The following GPC6 variants were observed in gnomAD, a reference collection of about 807,000 sequenced individuals.
GPC6 encodes glypican-6.
Under a neutral mutation model 55.2 loss-of-function variants are expected in GPC6, and 14 were observed. The ratio of observed to expected loss-of-function variants is 0.25; its 90% CI spans 0.17 to 0.40. The LOEUF is 0.40. GPC6 is among the 10% of genes least tolerant of loss of function. The pLI is 1.00. For missense variants in GPC6, 641 were observed against 708.5 expected (o/e 0.90, Z 1.08); for synonymous variants, 278 against 259.6 (o/e 1.07, Z -0.68).
rs113708036 is a variant in GPC6, at chr13:94,165,193, A to ATGTGTG, written c.878-121146_878-121141dup. Among the ~76,000 whole-genome samples, 3 of 148,618 alleles carry ATGTGTG rather than the reference A, an allele frequency of 2.0e-5. No homozygotes were observed. In the Admixed American group the frequency reaches 2.0e-4, roughly 10 times the overall value. On this transcript the variant is annotated intron_variant, in intron 4 of 8. Coordinates refer to ENST00000377047, the MANE Select transcript of GPC6 (RefSeq NM_005708.5). Reference sequence around the variant, plus strand: ...TGGATAAAGAAATTGTGATATATGTATGTGTGTGTGTGTGTATATATATAT... The same window carrying ATGTGTG: ...TGGATAAAGAAATTGTGATATATGTATGTGTGTGTGTGTGTGTGTGTATATATATAT...
In GPC6 at chr13:93,517,135, T is replaced by C. The variant is rs1881234803; in HGVS notation, c.161-28128T>C. On this transcript the variant is annotated intron_variant, in intron 1 of 8. Coordinates refer to ENST00000377047, the MANE Select transcript of GPC6 (RefSeq NM_005708.5). ...TGTCACCAAACGTTAAAGAGAAATA[T>C]GAGGTTTAATAAGGCAACAAGAATC... Among the ~76,000 whole-genome samples the C allele has an allele frequency of 2.0e-5, 3 of 152,228 alleles. No homozygotes were observed. The South Asian group carries it at 6.2e-4, about 32-fold the overall frequency.
At chr13:94,113,799 T>A (rs1253644326) in intron 4 of GPC6, among the ~76,000 whole-genome samples, 1 of 151,660 alleles carries the variant, frequency 6.6e-6, no homozygotes, top group African/African-American at 2.4e-5. Context: ...GGTGAGAGGA[T>A]CACTTGAAGA....
intron 2 of GPC6, chr13:93,818,867 C>A (rs1050120911): frequency 4.6e-5 from 7 of 152,168 alleles, no homozygotes; most frequent in African/African-American, 7.2e-5. Context: ...GCTCCATCCC[C>A]ATTTCTCCTT....
intron 3 of GPC6, among the ~76,000 whole-genome samples, chr13:93,971,707 C>T (rs1196016723): frequency 1.3e-5 from 2 of 152,086 alleles, no homozygotes; most frequent in Admixed American, 1.3e-4. Context: ...CACATGTAGC[C>T]AGTGTGGCTT....
chr13:94,290,097 G>T (rs1264343059), intron 5 of GPC6, among the ~76,000 whole-genome samples: 1 of 152,114 alleles, frequency 6.6e-6, no homozygotes, highest in Admixed American at 6.5e-5. Context: ...TTTTATTTAA[G>T]AGATATTTAA....
At chr13:93,577,531 T>C (rs938565348) in intron 2 of GPC6, among the ~76,000 whole-genome samples, 1 of 152,076 alleles carries the variant, frequency 6.6e-6, no homozygotes, top group African/African-American at 2.4e-5. Flanking sequence ...TATGTAAATG[T>C]TATTGATTTT....
chr13:94,296,199 C>T (rs970236685), intron 5 of GPC6, among the ~76,000 whole-genome samples: 3 of 152,166 alleles, frequency 2.0e-5, no homozygotes, highest in Non-Finnish European at 4.4e-5. Flanking sequence ...TTTTAACTTT[C>T]CTTGCATGTA....
At chr13:93,688,138 A>G (rs913684062) in intron 2 of GPC6, among the ~76,000 whole-genome samples, 54 of 152,182 alleles carry the variant, frequency 3.5e-4, no homozygotes, top group African/African-American at 1.2e-3. Flanking sequence ...CAATTTATCA[A>G]CCAATTGGGA....
At position 93,718,782 on chromosome 13, in the gene GPC6, A is replaced by T. The variant is rs571066647; in HGVS notation, c.320-111372A>T. ...TATTCCATCTTGAGTTATTTTTTGTATAAGGTGTAAGGAAGGGGTCCAGTT... is the reference window on the plus strand; with the variant it reads ...TATTCCATCTTGAGTTATTTTTTGTTTAAGGTGTAAGGAAGGGGTCCAGTT... On this transcript the variant is annotated intron_variant, in intron 2 of 8. Coordinates refer to ENST00000377047, the MANE Select transcript of GPC6 (RefSeq NM_005708.5). Among the ~76,000 whole-genome samples, 105 of 152,174 alleles carry T rather than the reference A, an allele frequency of 6.9e-4. 1 individual carries two copies. Among genetic ancestry groups the T allele is most frequent in the African/African-American group, 2.3e-3 (96 of 41,540 alleles).
At chr13:94,205,079 A>C (rs918458377) in intron 4 of GPC6, among the ~76,000 whole-genome samples, 1 of 152,214 alleles carries the variant, frequency 6.6e-6, no homozygotes. Flanking sequence ...ATGTAATGTG[A>C]TATAAAAACA....
intron 4 of GPC6, among the ~76,000 whole-genome samples, chr13:94,276,514 C>T (rs1892211962): frequency 1.3e-5 from 2 of 152,026 alleles, no homozygotes; most frequent in African/African-American, 4.8e-5. Context: ...ATGTACAGAA[C>T]GTGCAGGTGT....
intron 6 of GPC6, among the ~76,000 whole-genome samples, chr13:94,365,477 C>T (rs1879249361): frequency 6.6e-6 from 1 of 152,150 alleles, no homozygotes; most frequent in African/African-American, 2.4e-5. Flanking sequence ...GTAAAAGTAG[C>T]ATTTATTATG....
At chr13:93,330,556 A>G (rs1157372771) in intron 1 of GPC6, among the ~76,000 whole-genome samples, 3 of 152,190 alleles carry the variant, frequency 2.0e-5, no homozygotes, top group Non-Finnish European at 2.9e-5. Context: ...CAGATTTACA[A>G]ATGCTCCCTA....
intron 1 of GPC6, among the ~76,000 whole-genome samples, chr13:93,365,465 G>A (rs1312695827): frequency 6.6e-6 from 1 of 151,996 alleles, no homozygotes; most frequent in East Asian, 1.9e-4. Flanking sequence ...CCTTGTAGGG[G>A]TTTTAAAAAT....
At chr13:93,955,730 C>T (rs1879480299) in intron 3 of GPC6, among the ~76,000 whole-genome samples, 1 of 151,942 alleles carries the variant, frequency 6.6e-6, no homozygotes, top group Non-Finnish European at 1.5e-5. Flanking sequence ...TCAGAGTCCT[C>T]ACAATATTAT....
rs545629523 is a variant in GPC6, at chr13:93,350,285, A to T, written c.160+122669A>T. Among the ~76,000 whole-genome samples, 37 of 152,238 alleles carry T rather than the reference A, an allele frequency of 2.4e-4. No homozygotes were observed. The South Asian group carries it at 7.0e-3, about 29-fold the overall frequency. On this transcript the variant is annotated intron_variant, in intron 1 of 8. Transcript: ENST00000377047. Reference sequence around the variant, plus strand: ...CCCCATCTCTACTAAAAATACAAAAATTAGCCAGGTGTGGTGGCGGGTGCT... The same window carrying T: ...CCCCATCTCTACTAAAAATACAAAATTTAGCCAGGTGTGGTGGCGGGTGCT...
At chr13:94,360,443 A>G (rs1879007471) in intron 6 of GPC6, among the ~76,000 whole-genome samples, 1 of 152,206 alleles carries the variant, frequency 6.6e-6, no homozygotes, top group Admixed American at 6.5e-5. Flanking sequence ...TGGACCTCCT[A>G]AAGGAAGATG....
chr13:93,948,032 G>C (rs1440678174), intron 3 of GPC6, among the ~76,000 whole-genome samples: 1 of 151,958 alleles, frequency 6.6e-6, no homozygotes, highest in East Asian at 1.9e-4. Context: ...TAACTTGCAG[G>C]ATACTCTTCC....
At position 93,980,672 on chromosome 13, in the gene GPC6, TG is replaced by T. The variant is rs138673520; in HGVS notation, c.712-47052del. ...TTTTCCTTCTCCTGTCTCCAGGAGGTGGGGGCATTCAGCTGCCAAGAATGGA... is the reference window on the plus strand; with the variant it reads ...TTTTCCTTCTCCTGTCTCCAGGAGGTGGGGCATTCAGCTGCCAAGAATGGA... On this transcript the variant is annotated intron_variant, in intron 3 of 8. Transcript: ENST00000377047. Among the ~76,000 whole-genome samples, 4 of 152,156 alleles carry T rather than the reference TG, an allele frequency of 2.6e-5. No homozygotes were observed. In the East Asian group the frequency reaches 7.8e-4, roughly 30 times the overall value.
Sources: allele counts gnomAD v4.1 joint callset (sites outside exome capture counted in the v4.1 genomes callset), GRCh38; gene constraint gnomAD v4.1.1; transcripts MANE v1.5; gene names NCBI Gene and HGNC (gene_info 2026-07-23, HGNC 2026-07-21).